Variants in TMEM114 observed in about 807,000 individuals in gnomAD.
TMEM114 encodes the protein transmembrane protein 114.
Under a neutral mutation model 6.2 loss-of-function variants are expected in TMEM114, and 6 were observed. The observed-to-expected ratio is 0.97, with a 90% CI of 0.53 to 1.91. The LOEUF (loss-of-function observed/expected upper bound fraction) is 1.91. TMEM114 is among the 40% of genes most tolerant of loss of function. The pLI is 0.01. For missense variants in TMEM114, 218 were observed against 158.3 expected (o/e 1.38, Z -2.02); for synonymous variants, 104 against 73.0 (o/e 1.42, Z -2.16).
chr16:8,580,096 C>A (rs2141695030), intron 2 of TMEM114, among the ~76,000 whole-genome samples: 1 of 152,224 alleles, frequency 6.6e-6, no homozygotes, highest in Middle Eastern at 3.4e-3. Context: ...GCCAGGGTCA[C>A]AAATAGCCCC....
chr16:8,570,200 T>C (rs1901685608), intron 3 of TMEM114, among the ~76,000 whole-genome samples, 195 bp from the exon 4 acceptor site: 1 of 152,216 alleles, frequency 6.6e-6, no homozygotes, highest in South Asian at 2.1e-4. Flanking sequence ...CGGCAACTCC[T>C]ACCCTTCCCA....
intron 2 of TMEM114, among the ~76,000 whole-genome samples, chr16:8,560,147 C>T (rs1158022654): frequency 1.3e-5 from 2 of 151,888 alleles, no homozygotes; most frequent in Non-Finnish European, 2.9e-5. Context: ...TGCACACCAC[C>T]ATACCCGGCT....
intron 2 of TMEM114, among the ~76,000 whole-genome samples, chr16:8,582,508 T>C (rs1342887842): frequency 6.6e-6 from 1 of 152,214 alleles, no homozygotes; most frequent in Admixed American, 6.5e-5. Flanking sequence ...TAGGAGCTCC[T>C]CTGGTCTACC....
chr16:8,567,749 A>C (rs56211039), downstream of TMEM114, among the ~76,000 whole-genome samples: 7,713 of 152,286 alleles, frequency 0.051, 273 homozygotes, highest in South Asian at 0.11. Flanking sequence ...AGGAGGGCTG[A>C]AAACGTGTCT....
Position 8,569,663 on chromosome 16 carries a change from T to C in TMEM114, c.*110A>G. 1 of 1,443,514 alleles carries C rather than the reference T, an allele frequency of 6.9e-7. No individual in the cohort carries two copies. The highest frequency in any genetic ancestry group is 9.1e-7 in the Non-Finnish European group (1 of 1,102,058). 89.4% of individuals were successfully genotyped at this position (1,443,514 alleles called of 1,614,324 possible). On this transcript the variant is annotated 3_prime_UTR_variant, in exon 4 of 4. Transcript: ENST00000620492. ...TTTGTGGGGGAAGGAGGGGGGTGCC[T>C]GGCCTCCCCGAGTGGCCTTTGAGGA... is the stretch of plus-strand genomic sequence containing the variant.
rs917200428 is a variant in TMEM114 at position 8,589,699 on chromosome 16, G to A, written c.140C>T (p.Ala47Val). 2.5e-6 allele frequency: 1 copy of A among 398,472 alleles called. No homozygotes were observed. The highest frequency in any genetic ancestry group is 2.1e-5 in the African/African-American group (1 of 48,706). The allele number at this position is 398,472 out of a possible 1,614,324, so 24.7% of individuals were successfully genotyped here. ...ATTGATGGACCCCAGCAGGTCCTGC[G>A]CCCCCGGGCCAGTCCTCTCCAGCCG... ...TERLERTGPG[A>V]QDLLGSINRS... Residue 47 changes from alanine to valine, a missense_variant, in exon 1 of 4, where the codon GCG becomes GTG. Ala to Val is a moderately conservative substitution (Grantham distance 64). Transcript: ENST00000620492.
At chr16:8,574,142 G>C (rs1261775889) in intron 2 of TMEM114, among the ~76,000 whole-genome samples, 4 of 152,118 alleles carry the variant, frequency 2.6e-5, no homozygotes, top group Non-Finnish European at 5.9e-5. Context: ...GTCAGAGCCG[G>C]ATTATTTGCA....
chr16:8,580,562 C>T (rs1902106321), intron 2 of TMEM114, among the ~76,000 whole-genome samples: 1 of 151,906 alleles, frequency 6.6e-6, no homozygotes, highest in Admixed American at 6.6e-5. Context: ...CTGTGTCTTC[C>T]TCTCCTTTCC....
chr16:8,546,232 G>T (rs975689527), intron 2 of TMEM114, among the ~76,000 whole-genome samples: 1 of 152,196 alleles, frequency 6.6e-6, no homozygotes, highest in East Asian at 1.9e-4. Flanking sequence ...CAGACTGATT[G>T]TGTATACTTT....
intron 2 of TMEM114, among the ~76,000 whole-genome samples, chr16:8,548,137 C>T (rs889394617): frequency 3.9e-5 from 6 of 152,162 alleles, no homozygotes; most frequent in Non-Finnish European, 7.3e-5. Flanking sequence ...ACTTAGACAC[C>T]GTGAGTTTGA....
intron 2 of TMEM114, among the ~76,000 whole-genome samples, chr16:8,575,848 T>G (rs911795112): frequency 6.6e-5 from 10 of 152,198 alleles, no homozygotes; most frequent in Admixed American, 6.5e-4. Context: ...TGAAATCTTG[T>G]AAACCTTTTG....
chr16:8,527,801 C>A, the TMEM114 span, among the ~76,000 whole-genome samples: 1 of 152,174 alleles, frequency 6.6e-6, no homozygotes, highest in East Asian at 1.9e-4. Flanking sequence ...CTGTCTCCCC[C>A]CAATACAGGA....
intron 2 of TMEM114, among the ~76,000 whole-genome samples, chr16:8,539,712 C>G (rs773843553): frequency 6.6e-6 from 1 of 151,882 alleles, no homozygotes; most frequent in Non-Finnish European, 1.5e-5. Flanking sequence ...ATATAGATCT[C>G]ATGTCCCATA....
At chr16:8,527,028 G>A in the TMEM114 span, among the ~76,000 whole-genome samples, 13 of 152,106 alleles carry the variant, frequency 8.5e-5, no homozygotes, top group Non-Finnish European at 1.3e-4. Context: ...GCCAACATGG[G>A]GAAACCCCAA....
intron 2 of TMEM114, among the ~76,000 whole-genome samples, chr16:8,544,781 T>A (rs1900611370): frequency 6.6e-6 from 1 of 152,228 alleles, no homozygotes; most frequent in South Asian, 2.1e-4. Context: ...TAAATTAATT[T>A]GTATTTTGTT....
chr16:8,531,078 AG>A, the TMEM114 span, among the ~76,000 whole-genome samples: 214 of 152,292 alleles, frequency 1.4e-3, 1 homozygote, highest in African/African-American at 4.9e-3. Context: ...GAGGAAAAAA[AG>A]GGAGGCCCAT....
At chr16:8,542,925 C>T in intron 2 of TMEM114, among the ~76,000 whole-genome samples, 1 of 152,140 alleles carries the variant, frequency 6.6e-6, no homozygotes, top group South Asian at 2.1e-4. Flanking sequence ...ATACAAACTG[C>T]CGCTTATCAT....
In TMEM114 at chr16:8,563,707, G is replaced by GAGTGAGTGAGTGAATGAGTC. The variant is rs1567203183; in HGVS notation, n.212+25486_212+25505dup. On this transcript the variant is annotated intron_variant and non_coding_transcript_variant, in intron 2 of 2. Transcript: ENST00000623677. ...TAAGTGAATGAGTGAGTTAGTGAAT[G>GAGTGAGTGAGTGAATGAGTC]AGTGAGTGAGTGAATGAGTCAGTGA... Among the ~76,000 whole-genome samples, 11 of 148,656 alleles carry GAGTGAGTGAGTGAATGAGTC rather than the reference G, an allele frequency of 7.4e-5. No individual in the cohort carries two copies. In the East Asian group the frequency reaches 1.5e-3, roughly 21 times the overall value.
chr16:8,548,425 T>C (rs151235209), intron 2 of TMEM114, among the ~76,000 whole-genome samples: 3 of 152,220 alleles, frequency 2.0e-5, no homozygotes, highest in African/African-American at 4.8e-5. Context: ...ATGTACAGCA[T>C]GGCTTTACAA....
Sources: allele counts gnomAD v4.1 joint callset (sites outside exome capture counted in the v4.1 genomes callset), GRCh38; gene constraint gnomAD v4.1.1; transcripts MANE v1.5; gene names NCBI Gene and HGNC (gene_info 2026-07-23, HGNC 2026-07-21).